BMAL1: variants seen among roughly 807,000 people sequenced by gnomAD.
The protein encoded by BMAL1 is basic helix-loop-helix ARNT like 1.
the BMAL1 span, among the ~76,000 whole-genome samples, chr11:13,292,982 C>A: frequency 6.6e-6 from 1 of 151,390 alleles, no homozygotes; most frequent in Non-Finnish European, 1.5e-5. Flanking sequence ...CTAGCAAAAT[C>A]TCTGTTTTTA....
the BMAL1 span, among the ~76,000 whole-genome samples, chr11:13,339,445 A>G: frequency 6.6e-6 from 1 of 151,848 alleles, no homozygotes; most frequent in East Asian, 1.9e-4. Flanking sequence ...ACACACACAC[A>G]CACACACACA....
the BMAL1 span, among the ~76,000 whole-genome samples, chr11:13,336,163 T>G: frequency 6.6e-6 from 1 of 152,262 alleles, no homozygotes; most frequent in African/African-American, 2.4e-5. Flanking sequence ...GCATTCATTG[T>G]CAGAGAAATG....
the BMAL1 span, among the ~76,000 whole-genome samples, chr11:13,382,941 T>A: frequency 1.3e-5 from 2 of 152,194 alleles, no homozygotes; most frequent in African/African-American, 4.8e-5. Context: ...TTGAGGCACT[T>A]ATGAAAATTC....
At chr11:13,348,441 G>C in the BMAL1 span, among the ~76,000 whole-genome samples, 1 of 152,112 alleles carries the variant, frequency 6.6e-6, no homozygotes, top group Non-Finnish European at 1.5e-5. Flanking sequence ...GGCTGGAGAC[G>C]ACAGCAGACT....
At chr11:13,317,276 A>G in the BMAL1 span, among the ~76,000 whole-genome samples, 1 of 152,222 alleles carries the variant, frequency 6.6e-6, no homozygotes, top group Admixed American at 6.5e-5. Flanking sequence ...AGATATTATT[A>G]TTAGCACAAG....
the BMAL1 span, chr11:13,379,615 A>G: frequency 6.6e-6 from 1 of 152,226 alleles, no homozygotes; most frequent in Non-Finnish European, 1.5e-5. Flanking sequence ...TTATAAGTCT[A>G]TTTTCTTTAT....
chr11:13,313,672 C>A, the BMAL1 span, among the ~76,000 whole-genome samples: 1 of 152,158 alleles, frequency 6.6e-6, no homozygotes. Flanking sequence ...CTATGACAGC[C>A]TCTTAATTGG....
At chr11:13,329,633 C>G in the BMAL1 span, among the ~76,000 whole-genome samples, 1 of 152,190 alleles carries the variant, frequency 6.6e-6, no homozygotes, top group Non-Finnish European at 1.5e-5. Context: ...ACTGTCATCT[C>G]CTGATTCTCT....
At chr11:13,378,406 T>C in the BMAL1 span, 1 of 1,613,056 alleles carries the variant, frequency 6.2e-7, no homozygotes, top group African/African-American at 1.3e-5. Flanking sequence ...GCAGGAAAAA[T>C]AGGCCGAATG....
chr11:13,363,391 A>G, the BMAL1 span, among the ~76,000 whole-genome samples: 1 of 151,972 alleles, frequency 6.6e-6, no homozygotes, highest in Non-Finnish European at 1.5e-5. Context: ...TTGTTTATGC[A>G]GCACTCAAGA....
chr11:13,386,922 TCAGA>T, the BMAL1 span: 2 of 706,288 alleles, frequency 2.8e-6, no homozygotes, highest in African/African-American at 1.8e-5. Context: ...ATATGTAACT[TCAGA>T]CAAAGTGGAA....
At chr11:13,316,053 A>C in the BMAL1 span, among the ~76,000 whole-genome samples, 1 of 152,086 alleles carries the variant, frequency 6.6e-6, no homozygotes, top group Non-Finnish European at 1.5e-5. Context: ...TCTACCTTAC[A>C]ACCCCTTTGT....
the BMAL1 span, among the ~76,000 whole-genome samples, chr11:13,356,464 A>T: frequency 6.6e-6 from 1 of 152,234 alleles, no homozygotes; most frequent in East Asian, 1.9e-4. Flanking sequence ...CAATTTTCAA[A>T]CAATCAGAAT....
the BMAL1 span, chr11:13,375,604 A>G: frequency 1.9e-6 from 3 of 1,558,418 alleles, no homozygotes; most frequent in Non-Finnish European, 2.6e-6. Flanking sequence ...TTTTCTTTAC[A>G]TTTTCAGTTT....
the BMAL1 span, among the ~76,000 whole-genome samples, chr11:13,303,197 G>A: frequency 6.6e-6 from 1 of 152,282 alleles, no homozygotes; most frequent in South Asian, 2.1e-4. Flanking sequence ...CTGGGCTTAA[G>A]CGGGCCTTTC....
the BMAL1 span, chr11:13,386,574 C>T: frequency 1.0e-5 from 16 of 1,562,074 alleles, no homozygotes; most frequent in African/African-American, 2.7e-5. Flanking sequence ...AATCACTGAC[C>T]AGTCTTTATC....
At chr11:13,355,582 C>A in the BMAL1 span, among the ~76,000 whole-genome samples, 1 of 152,180 alleles carries the variant, frequency 6.6e-6, no homozygotes, top group East Asian at 1.9e-4. Flanking sequence ...AATTAAGCAA[C>A]CTTAATCCCT....
chr11:13,298,490 A>T, the BMAL1 span, among the ~76,000 whole-genome samples: 1 of 151,758 alleles, frequency 6.6e-6, no homozygotes, highest in Non-Finnish European at 1.5e-5. Context: ...CATCTAATAT[A>T]TTATACGTTT....
At chr11:13,354,287 T>C in the BMAL1 span, 4 of 1,536,940 alleles carry the variant, frequency 2.6e-6, no homozygotes, top group Non-Finnish European at 3.5e-6. Flanking sequence ...TTGTGCCTCT[T>C]GTAACAATTC....
Sources: allele counts gnomAD v4.1 joint callset (sites outside exome capture counted in the v4.1 genomes callset), GRCh38; gene constraint gnomAD v4.1.1; transcripts MANE v1.5; gene names NCBI Gene and HGNC (gene_info 2026-07-23, HGNC 2026-07-21).